The following SYTL2 variants were observed in gnomAD, a reference collection of about 807,000 sequenced individuals.
The protein encoded by SYTL2 is synaptotagmin like 2.
A neutral mutation model predicts 198.7 loss-of-function variants in SYTL2; 165 were observed. The observed-to-expected ratio is 0.83, with a 90% confidence interval of 0.73 to 0.94. SYTL2 has a LOEUF of 0.94. Ranked by LOEUF, SYTL2 falls within the 40% of genes least tolerant of loss-of-function variation. SYTL2 has a pLI of 0.00. For missense variants in SYTL2, 2,835 were observed against 2,582.8 expected, an observed-to-expected ratio of 1.10 and a Z score of -2.12; for synonymous variants, 966 against 917.7, an observed-to-expected ratio of 1.05 and a Z score of -0.95.
chr11:85,726,813 A>G lies in SYTL2; in HGVS notation c.2545T>C (p.Tyr849His). 6.5e-7 allele frequency: 1 copy of G among 1,536,274 alleles called. No individual in the cohort carries two copies. Among genetic ancestry groups the G allele is most frequent in the South Asian group, 1.2e-5 (1 of 84,056 alleles). ...ACTCGTTTGGGAATGGCCTGATTAT[A>G]TTCACTCTGGTCTGTAGATAAACTG... ...MDSLSTDQSEYNQAIPKRVVL... is the reference protein window; with the variant it reads ...MDSLSTDQSEHNQAIPKRVVL... The change falls in exon 8 of 20, where the codon TAT becomes CAT. Residue 849 changes from tyrosine to histidine, a missense_variant. Transcript: ENST00000359152.
rs556830610 is a variant in SYTL2 at position 85,771,247 on chromosome 11, A to C, written c.-389-13133T>G. Among the ~76,000 whole-genome samples, 10 of 152,270 alleles carry C rather than the reference A, an allele frequency of 6.6e-5. No individual in the cohort carries two copies. The South Asian group carries it at 2.1e-3, about 32-fold the overall frequency. ...GTAGTCTAAGGATGGTTTCACCTTT[A>C]GACACTTCAGAGAGCAGGGGAGAAG... On this transcript the variant is annotated intron_variant, in intron 1 of 19. Transcript: ENST00000359152.
chr11:85,777,955 G>T (rs182803700), intron 1 of SYTL2, among the ~76,000 whole-genome samples: 15 of 151,466 alleles, frequency 9.9e-5, no homozygotes, highest in Non-Finnish European at 4.4e-5. Context: ...GAGTAGATGG[G>T]ACTACAGGTG....
chr11:85,751,919 AT>A (rs1460767803), intron 2 of SYTL2, among the ~76,000 whole-genome samples: 1 of 152,228 alleles, frequency 6.6e-6, no homozygotes, highest in Non-Finnish European at 1.5e-5. Context: ...CAAATTGGAC[AT>A]TAAAAATTCT....
In SYTL2 at chr11:85,803,059, C is replaced by T. The variant is rs571053703; in HGVS notation, c.-390+7895G>A. Among the ~76,000 whole-genome samples, 32 of 152,332 alleles carry T rather than the reference C, an allele frequency of 2.1e-4. 1 individual carries two copies. Among genetic ancestry groups the T allele is most frequent in the Admixed American group, 1.0e-3 (16 of 15,302 alleles). ...TTCATAACTCTGGCTTCTGACCTTCCACCTATGATTGCACCTCAAAATCAT... is the reference window on the plus strand; with the variant it reads ...TTCATAACTCTGGCTTCTGACCTTCTACCTATGATTGCACCTCAAAATCAT... On this transcript the variant is annotated intron_variant, in intron 1 of 19. Coordinates refer to ENST00000359152, the MANE Select transcript of SYTL2 (RefSeq NM_206927.4).
intron 1 of SYTL2, among the ~76,000 whole-genome samples, chr11:85,807,480 C>T (rs1022446870): frequency 2.6e-5 from 4 of 152,136 alleles, no homozygotes; most frequent in Admixed American, 2.0e-4. Flanking sequence ...TATAGTGATT[C>T]TGGTAAGTGA....
At chr11:85,699,072 T>G (rs565111882) in intron 17 of SYTL2, among the ~76,000 whole-genome samples, 6 of 152,316 alleles carry the variant, frequency 3.9e-5, no homozygotes, top group Non-Finnish European at 8.8e-5. Context: ...AGGAACATCA[T>G]TAGATATACA....
chr11:85,841,355 A>G, the SYTL2 span, among the ~76,000 whole-genome samples: 1 of 152,228 alleles, frequency 6.6e-6, no homozygotes, highest in East Asian at 1.9e-4. Context: ...TCCTACTACA[A>G]AGACACATGC....
At chr11:85,809,117 C>A (rs2092998381) in intron 1 of SYTL2, among the ~76,000 whole-genome samples, 1 of 152,190 alleles carries the variant, frequency 6.6e-6, no homozygotes, top group African/African-American at 2.4e-5. Context: ...GGCAGCAGAC[C>A]ACTCTGCACA....
chr11:85,733,824 C>T (rs1336474261), intron 7 of SYTL2, 115 bp downstream of exon 7: 99 of 771,774 alleles, frequency 1.3e-4, no homozygotes, highest in Non-Finnish European at 2.1e-4. Flanking sequence ...TGGTCTCGAT[C>T]TCCTGACCTC....
At chr11:85,706,820 T>G (rs576314740) in intron 15 of SYTL2, among the ~76,000 whole-genome samples, 6 of 151,184 alleles carry the variant, frequency 4.0e-5, no homozygotes, top group South Asian at 2.1e-4. Context: ...CAGCTGTGGG[T>G]TTTTTTTGTT....
At position 85,734,677 on chromosome 11, in the gene SYTL2, AT is replaced by A; in HGVS notation, c.651del (p.Lys217AsnfsTer25). 3.1e-6 allele frequency: 5 copies of A among 1,614,134 alleles called. No individual in the cohort carries two copies. Among genetic ancestry groups the A allele is most frequent in the Non-Finnish European group, 3.4e-6 (4 of 1,180,002 alleles). On this transcript the variant is annotated frameshift_variant, in exon 7 of 20. Coordinates refer to ENST00000359152, the MANE Select transcript of SYTL2 (RefSeq NM_206927.4). LOFTEE classifies it high-confidence loss of function. ...GAAAGGCCTGGCAAAGTCTGCTTTG[AT>A]TTCTCTAACTTTTGGATTGAAGTAT... is the stretch of plus-strand genomic sequence containing the variant. ...VADTSIQKLE[K>X]SKQTLPGLSN...
chr11:85,829,642 T>C, the SYTL2 span, among the ~76,000 whole-genome samples: 2 of 152,222 alleles, frequency 1.3e-5, no homozygotes, highest in African/African-American at 4.8e-5. Flanking sequence ...CTTTCCACAG[T>C]GGCTGAACTG....
chr11:85,726,308 C>G lies in SYTL2; in HGVS notation c.3050G>C (p.Arg1017Thr), dbSNP rs777768072. The change falls in exon 8 of 20, where the codon AGG (arginine) becomes ACG (threonine). Residue 1017 changes from arginine (R) to threonine (T), a missense_variant. By Grantham distance (71) the Arg-to-Thr change is moderately conservative. This residue lies in a region of SYTL2 where 2,645 missense variants were observed against 2,381.7 expected (regional missense o/e 1.11). Coordinates refer to ENST00000359152, the MANE Select transcript of SYTL2 (RefSeq NM_206927.4). ...GTCGCTGAATTCCTTGTGTTTCTGC[C>G]TATTAAAAGGTGCAGAATTTTTTTG... ...TSQKNSAPFN[R>T]QKHKEFSDIK... 1 of 1,613,890 alleles carries G rather than the reference C, an allele frequency of 6.2e-7. No individual in the cohort carries two copies. The highest frequency in any genetic ancestry group is 8.5e-7 in the Non-Finnish European group (1 of 1,179,936).
At chr11:85,719,156 T>A (rs2087862719) in intron 9 of SYTL2, 2 of 1,378,200 alleles carry the variant, frequency 1.5e-6, no homozygotes, top group Admixed American at 4.6e-5. Context: ...CAACAGCCTC[T>A]CTATTCTTCT....
intron 1 of SYTL2, among the ~76,000 whole-genome samples, chr11:85,758,679 A>C (rs1163917761): frequency 6.6e-6 from 1 of 152,194 alleles, no homozygotes. Context: ...TTCATTTCTC[A>C]GGGGAAAAAC....
At chr11:85,788,113 A>G (rs769195476) in intron 1 of SYTL2, among the ~76,000 whole-genome samples, 1 of 152,176 alleles carries the variant, frequency 6.6e-6, no homozygotes, top group Admixed American at 6.5e-5. Flanking sequence ...AACAGGGGAT[A>G]TGGTTCCAGG....
At chr11:85,777,190 A>T (rs914433625) in intron 1 of SYTL2, among the ~76,000 whole-genome samples, 1 of 152,246 alleles carries the variant, frequency 6.6e-6, no homozygotes, top group Non-Finnish European at 1.5e-5. Context: ...GTATGCTCTG[A>T]GTATTTTTCT....
In SYTL2 at chr11:85,734,412, G is replaced by C. The variant is rs1040692780; in HGVS notation, c.917C>G (p.Thr306Ser). ...PKSKIVSPGL[T>S]IHERISEKEH... ...CTTCTCAGAAATTCTCTCATGGATGGTTAGGCCAGGTGACACAATTTTGCT... is the reference window on the plus strand; with the variant it reads ...CTTCTCAGAAATTCTCTCATGGATGCTTAGGCCAGGTGACACAATTTTGCT... The change falls in exon 7 of 20, where the codon ACC (threonine) becomes AGC (serine). Residue 306 changes from threonine to serine, a missense_variant. Coordinates refer to ENST00000359152, the MANE Select transcript of SYTL2 (RefSeq NM_206927.4). 1.4e-5 allele frequency: 23 copies of C among 1,614,152 alleles called. 1 individual carries two copies. The African/African-American group carries it at 2.5e-4, about 18-fold the overall frequency.
Position 85,725,283 on chromosome 11 carries a change from C to T in SYTL2, c.4075G>A (p.Val1359Ile), listed in dbSNP as rs776394651. 6 of 1,614,030 alleles carry T rather than the reference C, an allele frequency of 3.7e-6. No individual in the cohort carries two copies. The highest frequency in any genetic ancestry group is 5.1e-6 in the Non-Finnish European group (6 of 1,180,022). The change falls in exon 8 of 20, where the codon GTC becomes ATC. Residue 1359 changes from valine to isoleucine, a missense_variant. Physicochemically the swap from Val to Ile is conservative, Grantham distance 29. This residue lies in a region of SYTL2 where 2,645 missense variants were observed against 2,381.7 expected (regional missense o/e 1.11). Coordinates refer to ENST00000359152, the MANE Select transcript of SYTL2 (RefSeq NM_206927.4). The part of the protein sequence containing the change: ...QTEISETVEK[V>I]ILPPRPVLND... ...AATACAGGTCTGGGTGGAAGAATGA[C>T]TTTCTCTACAGTCTCCGAAATTTCC...
Sources: allele counts gnomAD v4.1 joint callset (sites outside exome capture counted in the v4.1 genomes callset), GRCh38; gene constraint gnomAD v4.1.1; regional missense constraint gnomAD v4.1.1; transcripts MANE v1.5; gene names NCBI Gene and HGNC (gene_info 2026-07-23, HGNC 2026-07-21).